The following IL2RB variants were observed in gnomAD, a reference collection of about 807,000 sequenced individuals.
The protein encoded by IL2RB is interleukin-2 receptor subunit beta.
A neutral mutation model predicts 44.2 loss-of-function variants in IL2RB; 17 were observed. The ratio of observed to expected loss-of-function variants is 0.38; its 90% CI spans 0.26 to 0.58. The LOEUF is 0.58. Ranked by LOEUF, IL2RB falls within the 20% of genes least tolerant of loss-of-function variation. The pLI, the probability that IL2RB is intolerant of heterozygous loss-of-function variation, is 0.63. For missense variants in IL2RB, 624 were observed against 685.5 expected (o/e 0.91, Z 1.00); for synonymous variants, 286 against 297.9 (o/e 0.96, Z 0.41).
At chr22:37,169,884 T>C (rs919265800) in intron 1 of IL2RB, among the ~76,000 whole-genome samples, 2 of 152,200 alleles carry the variant, frequency 1.3e-5, no homozygotes, top group African/African-American at 4.8e-5. Flanking sequence ...CATTCTGCAT[T>C]TCTTTATGCT....
chr22:37,140,286 C>CATT (rs58127106), intron 4 of IL2RB, among the ~76,000 whole-genome samples: 1,539 of 145,472 alleles, frequency 0.011, 20 homozygotes, highest in East Asian at 0.025. Flanking sequence ...ATAGTAGTCT[C>CATT]ATTATTATTA....
chr22:37,159,139 A>T (rs932358704), intron 1 of IL2RB, among the ~76,000 whole-genome samples: 1 of 152,234 alleles, frequency 6.6e-6, no homozygotes, highest in Non-Finnish European at 1.5e-5. Flanking sequence ...CTTTCTCAGA[A>T]GACAATCTAG....
chr22:37,128,931 ACTC>A lies in IL2RB; in HGVS notation c.904-86_904-84del, dbSNP rs1425624291. On this transcript the variant is annotated intron_variant, in intron 9 of 9. Coordinates refer to ENST00000216223, the MANE Select transcript of IL2RB (RefSeq NM_000878.5). This position sits in a 1 kb window ranked among gnomAD's most constrained non-coding sequence, Gnocchi z 4.5. ...TCCTCTGGACTCTCAACAGCTCCTA[ACTC>A]CTCCTCCTCCTGAAGCAGTTGGCCC... 2.1e-5 allele frequency: 30 copies of A among 1,450,422 alleles called. No individual in the cohort carries two copies. In the Admixed American group the frequency reaches 2.1e-4, roughly 10 times the overall value. 89.8% of individuals were successfully genotyped at this position (1,450,422 alleles called of 1,614,324 possible).
At chr22:37,144,314 C>G in intron 1 of IL2RB, 109 bp from the exon 2 acceptor site, 1 of 1,360,968 alleles carries the variant, frequency 7.3e-7, no homozygotes, top group Non-Finnish European at 9.8e-7. Flanking sequence ...CTGCACTCCT[C>G]GGTGCCAGCT....
rs1467543019 is a variant in IL2RB at position 37,127,783 on chromosome 22, C to T, written c.*313G>A. 8.3e-6 allele frequency: 2 copies of T among 241,562 alleles called. No homozygotes were observed. Among genetic ancestry groups the T allele is most frequent in the Admixed American group, 1.1e-4 (2 of 17,810 alleles). 15.0% of individuals were successfully genotyped at this position (241,562 alleles called of 1,614,324 possible). On this transcript the variant is annotated 3_prime_UTR_variant, in exon 10 of 10. Coordinates refer to ENST00000216223, the MANE Select transcript of IL2RB (RefSeq NM_000878.5). ...GAGGACTGATATTGGTGAATAGCTG[C>T]AGGGCTGGAGAGGAGCGATGCTTCT...
At chr22:37,147,763 G>A (rs978662763) in intron 1 of IL2RB, among the ~76,000 whole-genome samples, 13 of 152,342 alleles carry the variant, frequency 8.5e-5, no homozygotes, top group African/African-American at 1.7e-4. Flanking sequence ...CCATGGGCTC[G>A]CCTTTGCCTG....
chr22:37,161,682 C>A (rs995421858), intron 1 of IL2RB: 1 of 152,088 alleles, frequency 6.6e-6, no homozygotes, highest in Admixed American at 6.6e-5. Context: ...CTCCCCCAAT[C>A]AGAAGCCAGC....
chr22:37,129,374 G>A (rs747814433), intron 9 of IL2RB, among the ~76,000 whole-genome samples: 10 of 152,082 alleles, frequency 6.6e-5, no homozygotes, highest in Non-Finnish European at 1.5e-4. Context: ...CAGGGTCTCC[G>A]CTTACACTGT....
At chr22:37,130,757 T>C (rs764181113) in intron 9 of IL2RB, among the ~76,000 whole-genome samples, 19 of 152,254 alleles carry the variant, frequency 1.2e-4, no homozygotes, top group Admixed American at 8.5e-4. Context: ...AGAATCTCTA[T>C]GCTTCTGACA....
Position 37,128,531 on chromosome 22 carries a change from G to C in IL2RB, c.1221C>G (p.Pro407=). 1 of 1,613,402 alleles carries C rather than the reference G, an allele frequency of 6.2e-7. No individual in the cohort carries two copies. The highest frequency in any genetic ancestry group is 8.5e-7 in the Non-Finnish European group (1 of 1,179,526). ...AGAPTGSSPQ[P]LQPLSGEDDA... is the part of the protein sequence containing the mutation. Reference sequence around the variant, plus strand: ...CGTCCTCCCCTGACAGAGGCTGCAGGGGTTGGGGGGAAGACCCTGTGGGTG... The same window carrying C: ...CGTCCTCCCCTGACAGAGGCTGCAGCGGTTGGGGGGAAGACCCTGTGGGTG... Residue 407 remains proline, a synonymous_variant, in exon 10 of 10, where the codon CCC becomes CCG. Transcript: ENST00000216223. The surrounding 1 kb of genome is among the most constrained non-coding windows in gnomAD (Gnocchi z 4.5).
At chr22:37,168,157 G>C (rs376219767) in intron 1 of IL2RB, among the ~76,000 whole-genome samples, 1 of 152,176 alleles carries the variant, frequency 6.6e-6, no homozygotes, top group African/African-American at 2.4e-5. Context: ...AACAGTCCTG[G>C]TATCACGTGA....
At chr22:37,170,096 G>A (rs1048094737) in intron 1 of IL2RB, among the ~76,000 whole-genome samples, 3 of 100,212 alleles carry the variant, frequency 3.0e-5, no homozygotes, top group African/African-American at 1.5e-4. Flanking sequence ...AAGAATGGAT[G>A]GATGGATGGA....
At chr22:37,130,086 T>C (rs1921350871) in intron 9 of IL2RB, among the ~76,000 whole-genome samples, 1 of 152,082 alleles carries the variant, frequency 6.6e-6, no homozygotes, top group Non-Finnish European at 1.5e-5. Flanking sequence ...CACCACTCAA[T>C]TAAATCCGCC....
chr22:37,163,141 A>C (rs915140651), intron 1 of IL2RB, among the ~76,000 whole-genome samples: 2 of 152,154 alleles, frequency 1.3e-5, no homozygotes, highest in Non-Finnish European at 2.9e-5. Flanking sequence ...TGAGCCAAAC[A>C]GAACTAGTTA....
At chr22:37,155,168 A>G (rs1922635667) in intron 1 of IL2RB, among the ~76,000 whole-genome samples, 1 of 152,148 alleles carries the variant, frequency 6.6e-6, no homozygotes. Flanking sequence ...ATGGGTGGCC[A>G]GCAGGGGTGT....
rs761209228 is a variant in IL2RB at position 37,128,226 on chromosome 22, A to T, written c.1526T>A (p.Val509Asp). ...EVPDAGPREG[V>D]SFPWSRPPGQ... ...AGGAGGCCTGGACCAGGGGAAACTG[A>T]CTCCCTCCCTGGGGCCAGCGTCAGG... Residue 509 changes from valine to aspartate, a missense_variant, in exon 10 of 10, where the codon GTC becomes GAC. Val to Asp is a radical substitution (Grantham distance 152). This residue lies in a region of IL2RB where 291 missense variants were observed against 275.5 expected (regional missense o/e 1.06). Transcript: ENST00000216223. This position sits in a 1 kb window ranked among gnomAD's most constrained non-coding sequence, Gnocchi z 4.5. The T allele has an allele frequency of 6.6e-7, 1 of 1,506,024 alleles. No homozygotes were observed. Among genetic ancestry groups the T allele is most frequent in the East Asian group, 2.4e-5 (1 of 42,462 alleles). The allele number at this position is 1,506,024 out of a possible 1,614,324, so 93.3% of individuals were successfully genotyped here. A position where few individuals can be genotyped will look rare whatever the true frequency, so the allele number is the denominator to read the frequency against.
rs538083238 is a variant in IL2RB, at chr22:37,145,707, T to A, written c.-33-1502A>T. Among the ~76,000 whole-genome samples, 185 of 151,882 alleles carry A rather than the reference T, an allele frequency of 1.2e-3. 1 individual carries two copies. In the South Asian group the frequency reaches 0.037, roughly 30 times the overall value. On this transcript the variant is annotated intron_variant, in intron 1 of 9. Coordinates refer to ENST00000216223, the MANE Select transcript of IL2RB (RefSeq NM_000878.5). ...CTTCCAGGGAAAGATGAGGGTAGCC[T>A]CAGTCAGAGGGGCAGGGGGAGAGGG...
intron 8 of IL2RB, among the ~76,000 whole-genome samples, chr22:37,134,567 C>T (rs1569042496): frequency 6.6e-6 from 1 of 152,152 alleles, no homozygotes. Context: ...GATTGCGCCA[C>T]TGTACTCCAG....
Position 37,141,823 on chromosome 22 carries a change from C to T in IL2RB, c.282+611G>A, listed in dbSNP as rs1921980229. ...ACAGCTTGGCACTGGCCTGCAGGTG[C>T]CCCTTGGCCCGAGCAGCCTGGGCAG... On this transcript the variant is annotated intron_variant, in intron 4 of 9. Transcript: ENST00000216223. This position sits in a 1 kb window ranked among gnomAD's most constrained non-coding sequence, Gnocchi z 4.4. Among the ~76,000 whole-genome samples, 1 of 152,226 alleles carries T rather than the reference C, an allele frequency of 6.6e-6. No individual in the cohort carries two copies. The highest frequency in any genetic ancestry group is 1.5e-5 in the Non-Finnish European group (1 of 68,028).
Sources: allele counts gnomAD v4.1 joint callset (sites outside exome capture counted in the v4.1 genomes callset), GRCh38; gene constraint gnomAD v4.1.1; regional missense constraint gnomAD v4.1.1; non-coding constraint Gnocchi (gnomAD v3.1); transcripts MANE v1.5; gene names NCBI Gene and HGNC (gene_info 2026-07-23, HGNC 2026-07-21).